OSCAR: variants seen among roughly 807,000 people sequenced by gnomAD.
The protein encoded by OSCAR is osteoclast-associated immunoglobulin-like receptor.
A neutral mutation model predicts 27.3 loss-of-function variants in OSCAR; 25 were observed. The ratio of observed to expected loss-of-function variants is 0.92; its 90% CI spans 0.67 to 1.28. OSCAR has a LOEUF of 1.28. Ranked by LOEUF, OSCAR falls within the 50% of genes most tolerant of loss-of-function variation. OSCAR has a pLI of 0.00. For synonymous variants in OSCAR, 158 were observed against 165.7 expected, an observed-to-expected ratio of 0.95 and a Z score of 0.36; for missense variants, 354 against 355.1, an observed-to-expected ratio of 1.00 and a Z score of 0.03.
chr19:54,098,087 A>G (rs957776544), intron 2 of OSCAR, among the ~76,000 whole-genome samples: 8 of 152,154 alleles, frequency 5.3e-5, no homozygotes, highest in African/African-American at 1.9e-4. Context: ...TCAAAAAACT[A>G]TAGGAAAATA....
intron 4 of OSCAR, 132 bp downstream of exon 4, chr19:54,095,740 G>A (rs777286887): frequency 7.1e-7 from 1 of 1,402,398 alleles, no homozygotes; most frequent in South Asian, 1.3e-5. Flanking sequence ...TGAGGGAGGA[G>A]GGGCTGCAGG....
At position 54,094,732 on chromosome 19, in the gene OSCAR, T is replaced by A. The variant is rs1351034711; in HGVS notation, c.*489A>T. ...AAGCTCCCACAACGTGGAAGCAGAC[T>A]CTGGTGGGGTGCCGCGCTCGCCAGC... On this transcript the variant is annotated 3_prime_UTR_variant, in exon 5 of 5. Coordinates refer to ENST00000358375, the MANE Select transcript of OSCAR (RefSeq NM_133169.6). 6.5e-6 allele frequency: 1 copy of A among 152,884 alleles called. No individual in the cohort carries two copies. The highest frequency in any genetic ancestry group is 2.4e-5 in the African/African-American group (1 of 41,470). 9.5% of individuals were successfully genotyped at this position (152,884 alleles called of 1,614,324 possible). A position where few individuals can be genotyped will look rare whatever the true frequency, so the allele number is the denominator to read the frequency against.
chr19:54,099,266 G>T (rs1201497652), intron 2 of OSCAR, among the ~76,000 whole-genome samples: 6 of 122,428 alleles, frequency 4.9e-5, no homozygotes, highest in Non-Finnish European at 1.0e-4. Context: ...TAGAGACGGG[G>T]TTTCACCACA....
chr19:54,096,009 C>T lies in OSCAR; in HGVS notation c.518G>A (p.Arg173His), dbSNP rs1228013123. 2 of 1,579,198 alleles carry T rather than the reference C, an allele frequency of 1.3e-6. No homozygotes were observed. The highest frequency in any genetic ancestry group is 1.3e-5 in the African/African-American group (1 of 74,358). Residue 173 changes from arginine (R) to histidine (H), a missense_variant, in exon 4 of 5, where the codon CGC becomes CAC. Physicochemically the swap from Arg to His is conservative, Grantham distance 29. Transcript: ENST00000358375. ...REGVAAPLQY[R>H]HSAQPWADFT... ...GTCGGCCCAGGGCTGCGCGGAGTGG[C>T]GGTACTGCAGCGGGGCCGCCACGCC...
In OSCAR at chr19:54,097,242, A is replaced by G. The variant is rs773743164; in HGVS notation, c.71-78T>C. 2.7e-5 allele frequency: 38 copies of G among 1,426,922 alleles called. No individual in the cohort carries two copies. The Middle Eastern group carries it at 3.6e-3, about 133-fold the overall frequency. 88.4% of individuals were successfully genotyped at this position (1,426,922 alleles called of 1,614,324 possible). A position where few individuals can be genotyped will look rare whatever the true frequency, so the allele number is the denominator to read the frequency against. On this transcript the variant is annotated intron_variant, in intron 2 of 4. Coordinates refer to ENST00000358375, the MANE Select transcript of OSCAR (RefSeq NM_133169.6). ...TGAAAGGGAAGTTGGGGAAGGAGGA[A>G]AATCACCTTGGACAATTACTGCCCC...
In OSCAR at chr19:54,096,033, C is replaced by T; in HGVS notation, c.494G>A (p.Gly165Asp). 1 of 1,561,588 alleles carries T rather than the reference C, an allele frequency of 6.4e-7. No homozygotes were observed. Among genetic ancestry groups the T allele is most frequent in the Non-Finnish European group, 8.6e-7 (1 of 1,156,680 alleles). ...RNMSFVLYRE[G>D]VAAPLQYRHS... ...GCGGTACTGCAGCGGGGCCGCCACGCCCTCGCGGTACAGCACGAAGCTCAT... is the reference window on the plus strand; with the variant it reads ...GCGGTACTGCAGCGGGGCCGCCACGTCCTCGCGGTACAGCACGAAGCTCAT... Residue 165 changes from glycine to aspartate, a missense_variant, in exon 4 of 5, where the codon GGC becomes GAC. Gly to Asp is a moderately conservative substitution (Grantham distance 94, BLOSUM62 -1). Coordinates refer to ENST00000358375, the MANE Select transcript of OSCAR (RefSeq NM_133169.6).
rs2072652010 is a variant in OSCAR, at chr19:54,095,989, C to T, written c.538G>A (p.Ala180Thr). The T allele has an allele frequency of 6.3e-7, 1 of 1,588,422 alleles. No homozygotes were observed. Among genetic ancestry groups the T allele is most frequent in the Non-Finnish European group, 8.6e-7 (1 of 1,168,852 alleles). The change falls in exon 4 of 5, where the codon GCC becomes ACC. Residue 180 changes from alanine (A) to threonine (T), a missense_variant. By Grantham distance (58) the Ala-to-Thr change is moderately conservative (BLOSUM62 0). Coordinates refer to ENST00000358375, the MANE Select transcript of OSCAR (RefSeq NM_133169.6). Reference protein sequence around the residue: ...LQYRHSAQPWADFTLLGARAP... With the variant: ...LQYRHSAQPWTDFTLLGARAP... ...CGGGCGCCCAGCAGCGTGAAGTCGG[C>T]CCAGGGCTGCGCGGAGTGGCGGTAC... is the stretch of plus-strand genomic sequence containing the variant.
intron 2 of OSCAR, among the ~76,000 whole-genome samples, chr19:54,099,123 C>T (rs1384460614): frequency 1.2e-4 from 18 of 150,922 alleles, no homozygotes; most frequent in Admixed American, 7.9e-4. Flanking sequence ...AGTGCAGTGG[C>T]GCGATCTCAG....
intron 2 of OSCAR, 113 bp downstream of exon 2, chr19:54,099,631 TGGAG>T: frequency 1.9e-6 from 3 of 1,613,004 alleles, no homozygotes; most frequent in Non-Finnish European, 2.5e-6. Context: ...AAGGAAGGAA[TGGAG>T]GGAGGGAGGA....
chr19:54,099,598 G>A lies in OSCAR; in HGVS notation c.70+150C>T, dbSNP rs774122585. ...TGGTCTTCAGTACTCACCTATAATGGCCACTAAGGGGAATGAGAAAAGAAG... is the reference window on the plus strand; with the variant it reads ...TGGTCTTCAGTACTCACCTATAATGACCACTAAGGGGAATGAGAAAAGAAG... On this transcript the variant is annotated intron_variant, in intron 2 of 4. Coordinates refer to ENST00000358375, the MANE Select transcript of OSCAR (RefSeq NM_133169.6). 1 of 1,609,888 alleles carries A rather than the reference G, an allele frequency of 6.2e-7. No homozygotes were observed. Among genetic ancestry groups the A allele is most frequent in the Non-Finnish European group, 8.5e-7 (1 of 1,176,324 alleles).
At position 54,095,891 on chromosome 19, in the gene OSCAR, C is replaced by G. The variant is rs17853374; in HGVS notation, c.636G>C (p.Val212=). ...APYVLSQRSE[V]LVISWEDSGS... is the part of the protein sequence containing the mutation. Reference sequence around the variant, plus strand: ...CCTCACCTTCCCAGCTGATGACCAGCACCTCGCTGCGCTGCGACAGCACGT... The same window carrying G: ...CCTCACCTTCCCAGCTGATGACCAGGACCTCGCTGCGCTGCGACAGCACGT... Residue 212 remains valine (V), a synonymous_variant, in exon 4 of 5, where the codon GTG becomes GTC. Coordinates refer to ENST00000358375, the MANE Select transcript of OSCAR (RefSeq NM_133169.6). 78 of 1,562,950 alleles carry G rather than the reference C, an allele frequency of 5.0e-5. No individual in the cohort carries two copies. The African/African-American group carries it at 9.5e-4, about 19-fold the overall frequency.
chr19:54,095,315 A>G lies in OSCAR; in HGVS notation c.698T>C (p.Leu233Pro). The G allele has an allele frequency of 6.3e-7, 1 of 1,580,548 alleles. No homozygotes were observed. The highest frequency in any genetic ancestry group is 1.2e-5 in the South Asian group (1 of 86,612). ...GATGAGGACCAGCCCGGCCAGCCCC[A>G]GGCGGACTAGGTTCCCCCGGGTGTA... ...SDYTRGNLVR[L>P]GLAGLVLISL... The change falls in exon 5 of 5, where the codon CTG becomes CCG. Residue 233 changes from leucine to proline, a missense_variant. By Grantham distance (98) the Leu-to-Pro change is moderately conservative (BLOSUM62 -3). Transcript: ENST00000358375.
chr19:54,095,519 G>A (rs1256952517), intron 4 of OSCAR, 162 bp from the exon 5 acceptor site: 1 of 1,404,566 alleles, frequency 7.1e-7, no homozygotes, highest in African/African-American at 1.5e-5. Context: ...GGTCCAGGAA[G>A]AAGGGGCTGG....
At position 54,097,077 on chromosome 19, in the gene OSCAR, C is replaced by A. The variant is rs757218082; in HGVS notation, c.158G>T (p.Cys53Phe). The change falls in exon 3 of 5, where the codon TGC becomes TTC. Residue 53 changes from cysteine to phenylalanine, a missense_variant. Transcript: ENST00000358375. ...TCTCCAAGCGGGTTGGGGTGCCCGG[C>A]ATCTCAAGGTCACGTTGACCCCAGG... is the stretch of plus-strand genomic sequence containing the variant. ...VTPGVNVTLR[C>F]RAPQPAWRFG... 1.2e-5 allele frequency: 19 copies of A among 1,614,062 alleles called. No homozygotes were observed. In the East Asian group the frequency reaches 4.0e-4, roughly 34 times the overall value.
intron 1 of OSCAR, 37 bp from the exon 2 acceptor site, chr19:54,099,817 T>C: frequency 6.3e-7 from 1 of 1,575,810 alleles, no homozygotes; most frequent in Non-Finnish European, 8.6e-7. Flanking sequence ...TTTTTCCTTT[T>C]TTTTTTTTTG....
In OSCAR at chr19:54,095,814, G is replaced by C. The variant is rs192829779; in HGVS notation, c.655+58C>G. 1.8e-3 allele frequency: 2,836 copies of C among 1,550,152 alleles called. 50 individuals are homozygous for C. The African/African-American group carries it at 0.034, about 19-fold the overall frequency. The stretch of plus-strand genomic sequence containing the variant: ...CTGGGCTCCTGGGTCTGAGGGCGGA[G>C]GTCCTGGGGCCTGCATTCCTGGGGC... On this transcript the variant is annotated intron_variant, in intron 4 of 4. Coordinates refer to ENST00000358375, the MANE Select transcript of OSCAR (RefSeq NM_133169.6).
At chr19:54,095,561 T>C in intron 4 of OSCAR, 2 of 1,279,240 alleles carry the variant, frequency 1.6e-6, no homozygotes, top group Non-Finnish European at 2.1e-6. Context: ...AAGGAGGGGC[T>C]GGGGGCCTGG....
In OSCAR at chr19:54,095,963, G is replaced by T; in HGVS notation, c.564C>A (p.Arg188=). The change falls in exon 4 of 5, where the codon CGC becomes CGA. Residue 188 remains arginine (R), a synonymous_variant. Coordinates refer to ENST00000358375, the MANE Select transcript of OSCAR (RefSeq NM_133169.6). ...AGTAGCAGCTGTAGGTGCCGGGGGC[G>T]CGGGCGCCCAGCAGCGTGAAGTCGG... is the stretch of plus-strand genomic sequence containing the variant. The part of the protein sequence containing the change: ...PWADFTLLGA[R]APGTYSCYYH... 2.5e-6 allele frequency: 4 copies of T among 1,590,686 alleles called. No individual in the cohort carries two copies. Among genetic ancestry groups the T allele is most frequent in the Non-Finnish European group, 3.4e-6 (4 of 1,169,428 alleles).
At chr19:54,097,931 T>A (rs1232463802) in intron 2 of OSCAR, among the ~76,000 whole-genome samples, 1 of 152,076 alleles carries the variant, frequency 6.6e-6, no homozygotes, top group Non-Finnish European at 1.5e-5. Context: ...CTTTCCAGAA[T>A]ATTTGCAATA....
Sources: gnomAD v4.1 joint callset for allele counts (sites outside exome capture counted in the v4.1 genomes callset) on GRCh38, gnomAD v4.1.1 for gene constraint, MANE v1.5 for transcripts, NCBI Gene and HGNC (gene_info 2026-07-23, HGNC 2026-07-21) for gene names.